Variants in GRIK4 observed in about 807,000 individuals in gnomAD.
GRIK4 encodes glutamate ionotropic receptor kainate type subunit 4.
GRIK4 carries 40 observed loss-of-function variants against 104.9 expected under a neutral mutation model. The observed-to-expected ratio is 0.38, with a 90% confidence interval of 0.30 to 0.50. GRIK4 has a LOEUF of 0.50. GRIK4 is among the 20% of genes least tolerant of loss of function. The pLI is 0.93. For synonymous variants in GRIK4, 485 were observed against 524.9 expected (o/e 0.92, Z 1.04); for missense variants, 1,047 against 1,308.1 (o/e 0.80, Z 3.08).
intron 1 of GRIK4, among the ~76,000 whole-genome samples, chr11:120,544,991 TC>T (rs1948071350): frequency 6.6e-6 from 1 of 152,038 alleles, no homozygotes. Context: ...GCTGCAGGGT[TC>T]CCGCTTTCTC....
chr11:120,976,088 A>G (rs1482926655), intron 19 of GRIK4, among the ~76,000 whole-genome samples: 1 of 152,234 alleles, frequency 6.6e-6, no homozygotes, highest in African/African-American at 2.4e-5. Flanking sequence ...GAAAACATGA[A>G]CAACCTAAGT....
At chr11:120,643,653 G>A (rs1949500844) in intron 1 of GRIK4, among the ~76,000 whole-genome samples, 1 of 152,232 alleles carries the variant, frequency 6.6e-6, no homozygotes, top group Non-Finnish European at 1.5e-5. Flanking sequence ...TCGCTCATTA[G>A]CTTTGTGATC....
chr11:120,986,389 T>C lies in GRIK4; in HGVS notation c.*129T>C. ...CTCTCCAGATTTCGGATCCAGTCAC[T>C]TTTCAAAAAGATCAAGGAGCCTGAC... On this transcript the variant is annotated 3_prime_UTR_variant, in exon 21 of 21. Coordinates refer to ENST00000527524, the MANE Select transcript of GRIK4 (RefSeq NM_014619.5). The C allele has an allele frequency of 8.1e-7, 1 of 1,240,116 alleles. No individual in the cohort carries two copies. Among genetic ancestry groups the C allele is most frequent in the Non-Finnish European group, 1.1e-6 (1 of 949,194 alleles). The allele number at this position is 1,240,116 out of a possible 1,614,324, so 76.8% of individuals were successfully genotyped here.
At chr11:120,868,488 A>G (rs550997087) in intron 9 of GRIK4, 2 of 145,158 alleles carry the variant, frequency 1.4e-5, no homozygotes, top group Admixed American at 6.9e-5. Flanking sequence ...AAAGACAGAA[A>G]GGAAAAGGAA....
At chr11:120,643,857 G>A (rs1307117999) in intron 1 of GRIK4, among the ~76,000 whole-genome samples, 2 of 152,116 alleles carry the variant, frequency 1.3e-5, no homozygotes, top group Non-Finnish European at 2.9e-5. Flanking sequence ...TTTGGGCAAG[G>A]TATTTATTTT....
chr11:120,531,432 G>A (rs971366780), intron 1 of GRIK4, among the ~76,000 whole-genome samples: 1 of 152,204 alleles, frequency 6.6e-6, no homozygotes, highest in South Asian at 2.1e-4. Flanking sequence ...CCAATGCTCT[G>A]TACATGTGCT....
intron 3 of GRIK4, among the ~76,000 whole-genome samples, chr11:120,661,462 C>A (rs1949815056): frequency 6.6e-6 from 1 of 152,196 alleles, no homozygotes; most frequent in Non-Finnish European, 1.5e-5. Flanking sequence ...GGGGTGGGAG[C>A]AAAGGCAGGA....
intron 3 of GRIK4, among the ~76,000 whole-genome samples, chr11:120,675,207 G>A (rs989618834): frequency 6.6e-6 from 1 of 152,246 alleles, no homozygotes; most frequent in Non-Finnish European, 1.5e-5. Flanking sequence ...TCTGCCATAG[G>A]AATGATCTCC....
chr11:120,782,452 A>AT (rs1325737304), intron 3 of GRIK4, among the ~76,000 whole-genome samples: 3 of 151,832 alleles, frequency 2.0e-5, no homozygotes, highest in Admixed American at 6.6e-5. Flanking sequence ...TACCTGACTA[A>AT]TTTTTTGTAT....
intron 1 of GRIK4, among the ~76,000 whole-genome samples, chr11:120,605,213 C>T (rs778946489): frequency 6.6e-6 from 1 of 152,162 alleles, no homozygotes; most frequent in Non-Finnish European, 1.5e-5. Context: ...GAAAGATGAA[C>T]GTGTTACTTG....
intron 19 of GRIK4, among the ~76,000 whole-genome samples, chr11:120,979,010 T>C (rs1261557020): frequency 6.6e-6 from 1 of 152,172 alleles, no homozygotes; most frequent in Non-Finnish European, 1.5e-5. Context: ...CAAAATTGCA[T>C]GGGGTGAAGA....
intron 6 of GRIK4, among the ~76,000 whole-genome samples, chr11:120,830,456 C>T (rs558866160): frequency 1.6e-4 from 25 of 152,300 alleles, no homozygotes; most frequent in Non-Finnish European, 3.1e-4. Context: ...ATGGGAGGCT[C>T]TCCCTCCTTT....
chr11:120,773,946 T>G (rs1215764238), intron 3 of GRIK4, among the ~76,000 whole-genome samples: 1 of 152,164 alleles, frequency 6.6e-6, no homozygotes, highest in Non-Finnish European at 1.5e-5. Context: ...ACCATCTACC[T>G]TGGCCACAAA....
chr11:120,512,506 G>C (rs1428315910), intron 1 of GRIK4, among the ~76,000 whole-genome samples: 1 of 151,996 alleles, frequency 6.6e-6, no homozygotes, highest in Non-Finnish European at 1.5e-5. Context: ...CGCCTTGCTT[G>C]GGGGAACCAG....
intron 3 of GRIK4, among the ~76,000 whole-genome samples, chr11:120,772,753 G>A (rs1229344492): frequency 2.6e-5 from 4 of 151,888 alleles, no homozygotes; most frequent in Non-Finnish European, 5.9e-5. Flanking sequence ...AAAGGGGAAG[G>A]AATGGGATCT....
chr11:120,531,412 C>G (rs957513261), intron 1 of GRIK4, among the ~76,000 whole-genome samples: 4 of 152,186 alleles, frequency 2.6e-5, no homozygotes, highest in Non-Finnish European at 4.4e-5. Flanking sequence ...CATTTAGACA[C>G]CAGGAGTTTC....
intron 1 of GRIK4, among the ~76,000 whole-genome samples, chr11:120,557,882 G>C (rs1591692954): frequency 6.6e-6 from 1 of 152,128 alleles, no homozygotes; most frequent in African/African-American, 2.4e-5. Context: ...GCTGGGCGCG[G>C]TGGCGGGCGC....
intron 3 of GRIK4, among the ~76,000 whole-genome samples, chr11:120,739,759 C>G (rs1038026828): frequency 6.6e-6 from 1 of 152,202 alleles, no homozygotes; most frequent in Non-Finnish European, 1.5e-5. Flanking sequence ...CCTCAGGTGA[C>G]GATGCTCAGT....
chr11:120,784,305 C>A (rs776394564), intron 3 of GRIK4, among the ~76,000 whole-genome samples: 1 of 152,146 alleles, frequency 6.6e-6, no homozygotes, highest in Non-Finnish European at 1.5e-5. Context: ...ATAAAAAGAC[C>A]CATTACTTGT....
Sources: gnomAD v4.1 joint callset for allele counts (sites outside exome capture counted in the v4.1 genomes callset) on GRCh38, gnomAD v4.1.1 for gene constraint, MANE v1.5 for transcripts, NCBI Gene and HGNC (gene_info 2026-07-23, HGNC 2026-07-21) for gene names.